The following ANO2 variants were observed in gnomAD, a reference collection of about 807,000 sequenced individuals.
ANO2 encodes anoctamin 2.
In ANO2, 101 loss-of-function variants were observed where a neutral mutation model predicts 124.2. The ratio of observed to expected loss-of-function variants is 0.81; its 90% confidence interval spans 0.69 to 0.96. The LOEUF is 0.96. Among genes scored for constraint, ANO2 ranks in the 40% least tolerant of loss-of-function variants. The pLI, the probability that ANO2 is intolerant of heterozygous loss-of-function variation, is 0.00. For synonymous variants in ANO2, 486 were observed against 482.5 expected (o/e 1.01, Z -0.09); for missense variants, 1,293 against 1,274.5 (o/e 1.01, Z -0.22).
intron 10 of ANO2, among the ~76,000 whole-genome samples, chr12:5,789,521 G>A (rs1434711392): frequency 5.3e-5 from 8 of 152,206 alleles, no homozygotes; most frequent in Non-Finnish European, 1.0e-4. Context: ...CAGGCTGAGT[G>A]ACTAAGGCTG....
chr12:5,853,731 C>T (rs1954995197), intron 4 of ANO2, among the ~76,000 whole-genome samples: 1 of 152,092 alleles, frequency 6.6e-6, no homozygotes, highest in South Asian at 2.1e-4. Flanking sequence ...TCTGGCTGTA[C>T]TAGGACCCCG....
At chr12:5,568,170 C>T (rs759287373) in intron 23 of ANO2, among the ~76,000 whole-genome samples, 1 of 129,318 alleles carries the variant, frequency 7.7e-6, no homozygotes, top group African/African-American at 3.0e-5. Context: ...GATGGAGTCT[C>T]GCTCTGTCGC....
chr12:5,724,372 A>G (rs1214729398), intron 14 of ANO2, among the ~76,000 whole-genome samples: 3 of 152,136 alleles, frequency 2.0e-5, no homozygotes, highest in Non-Finnish European at 4.4e-5. Context: ...TCATCTACTC[A>G]AAGAACTGAT....
intron 1 of ANO2, among the ~76,000 whole-genome samples, chr12:5,931,078 A>G (rs1228302467): frequency 6.6e-6 from 1 of 152,124 alleles, no homozygotes; most frequent in Non-Finnish European, 1.5e-5. Flanking sequence ...CTCACACCAC[A>G]GCTACTATTA....
At chr12:5,612,548 C>T in intron 19 of ANO2, 108 bp downstream of exon 19, 9 of 878,588 alleles carry the variant, frequency 1.0e-5, no homozygotes, top group Non-Finnish European at 1.6e-5. Flanking sequence ...AATTAAATCA[C>T]CAAGCTGTCT....
intron 15 of ANO2, among the ~76,000 whole-genome samples, chr12:5,645,625 C>T (rs532987022): frequency 1.3e-5 from 2 of 152,180 alleles, no homozygotes; most frequent in South Asian, 4.2e-4. Flanking sequence ...TTTAAGGTTG[C>T]TGTTTTAACC....
intron 10 of ANO2, among the ~76,000 whole-genome samples, chr12:5,783,296 A>G (rs541826950): frequency 6.6e-6 from 1 of 152,138 alleles, no homozygotes; most frequent in Admixed American, 6.5e-5. Context: ...TGATTCTCTT[A>G]TCTCTCAAAG....
intron 14 of ANO2, among the ~76,000 whole-genome samples, chr12:5,663,713 G>T (rs959868641): frequency 6.6e-6 from 1 of 152,158 alleles, no homozygotes; most frequent in Admixed American, 6.5e-5. Context: ...CACCAGCCCT[G>T]TCATCAGCCC....
chr12:5,638,336 C>A (rs199548693), intron 15 of ANO2, among the ~76,000 whole-genome samples: 7 of 147,892 alleles, frequency 4.7e-5, no homozygotes, highest in Non-Finnish European at 9.0e-5. Flanking sequence ...CCTGGGTTCA[C>A]GCCATTCTCC....
chr12:5,917,161 CTT>C (rs1329607774), intron 3 of ANO2, among the ~76,000 whole-genome samples: 1 of 152,164 alleles, frequency 6.6e-6, no homozygotes, highest in Non-Finnish European at 1.5e-5. Context: ...AGAGCCATCT[CTT>C]TGCCCTCCAA....
intron 10 of ANO2, among the ~76,000 whole-genome samples, chr12:5,796,481 A>C (rs549881179): frequency 7.1e-6 from 1 of 140,926 alleles, no homozygotes; most frequent in South Asian, 2.2e-4. Context: ...CACACACACA[A>C]ACTCACAACA....
Position 5,732,559 on chromosome 12 carries a change from G to C in ANO2, c.1506C>G (p.Val502=), listed in dbSNP as rs1950685508. The C allele has an allele frequency of 1.2e-6, 2 of 1,613,720 alleles. No homozygotes were observed. The highest frequency in any genetic ancestry group is 2.7e-5 in the African/African-American group (2 of 74,908). Residue 502 remains valine, a synonymous_variant, in exon 14 of 25, where the codon GTC becomes GTG. Coordinates refer to ENST00000682330, the MANE Select transcript of ANO2 (RefSeq NM_001364791.2). ...KMLKESNQSA[V]QKLETNTTEC... The stretch of plus-strand genomic sequence containing the variant: ...CCGTCGTGTTTGTTTCCAATTTCTG[G>C]ACAGCAGACTGGTTGCTCTCCTTTA...
intron 3 of ANO2, among the ~76,000 whole-genome samples, chr12:5,898,177 A>G (rs1307626114): frequency 6.6e-6 from 1 of 152,238 alleles, no homozygotes; most frequent in Non-Finnish European, 1.5e-5. Context: ...GATATTGCAA[A>G]TTAAAACCAC....
intron 14 of ANO2, among the ~76,000 whole-genome samples, chr12:5,683,939 T>G (rs1279840171): frequency 6.6e-6 from 1 of 152,158 alleles, no homozygotes; most frequent in African/African-American, 2.4e-5. Flanking sequence ...CATCTCTCTC[T>G]TGAGTCTACT....
At chr12:5,838,544 T>C (rs1954401855) in intron 4 of ANO2, among the ~76,000 whole-genome samples, 1 of 152,144 alleles carries the variant, frequency 6.6e-6, no homozygotes, top group Non-Finnish European at 1.5e-5. Context: ...GCGAGGGACC[T>C]GCTTCCTGTC....
intron 21 of ANO2, 48 bp downstream of exon 21, chr12:5,578,318 G>A: frequency 6.3e-7 from 1 of 1,593,760 alleles, no homozygotes; most frequent in Non-Finnish European, 8.6e-7. Context: ...AGAGGGGACA[G>A]AATGGCAGAA....
intron 1 of ANO2, among the ~76,000 whole-genome samples, chr12:5,940,430 G>C (rs1942850424): frequency 6.6e-6 from 1 of 152,164 alleles, no homozygotes; most frequent in African/African-American, 2.4e-5. Flanking sequence ...CCGTCCAAGT[G>C]GAGGGTCCTC....
chr12:5,853,014 C>CAGATG (rs959034647), intron 4 of ANO2, among the ~76,000 whole-genome samples: 3 of 151,916 alleles, frequency 2.0e-5, no homozygotes, highest in African/African-American at 7.3e-5. Flanking sequence ...AGAGACATGG[C>CAGATG]AGATGGTCAA....
chr12:5,639,827 ATC>A (rs1946238098), intron 15 of ANO2, among the ~76,000 whole-genome samples: 1 of 152,162 alleles, frequency 6.6e-6, no homozygotes, highest in Admixed American at 6.5e-5. Context: ...CATGCTGATG[ATC>A]TGTCAGGGGC....
Sources: gnomAD v4.1 joint callset for allele counts (sites outside exome capture counted in the v4.1 genomes callset) on GRCh38, gnomAD v4.1.1 for gene constraint, MANE v1.5 for transcripts, NCBI Gene and HGNC (gene_info 2026-07-23, HGNC 2026-07-21) for gene names.